Variants in DENND1A observed in about 807,000 individuals in gnomAD.
The protein encoded by DENND1A is DENN domain-containing protein 1A.
DENND1A carries 51 observed loss-of-function variants against 113.7 expected under a neutral mutation model. The observed-to-expected ratio is 0.45, with a 90% confidence interval of 0.36 to 0.57. The LOEUF (loss-of-function observed/expected upper bound fraction) is 0.57. DENND1A is among the 20% of genes least tolerant of loss of function. The pLI is 0.00. For synonymous variants in DENND1A, 565 were observed against 570.8 expected (o/e 0.99, Z 0.14); for missense variants, 1,258 against 1,395.9 (o/e 0.90, Z 1.57).
intron 9 of DENND1A, among the ~76,000 whole-genome samples, chr9:123,635,452 A>G (rs1408388516): frequency 5.3e-5 from 8 of 152,242 alleles, no homozygotes; most frequent in Non-Finnish European, 1.2e-4. Flanking sequence ...GTGTTTCCAC[A>G]ATGCATAATA....
At chr9:123,672,148 C>T (rs2063796199) in intron 6 of DENND1A, among the ~76,000 whole-genome samples, 1 of 152,200 alleles carries the variant, frequency 6.6e-6, no homozygotes, top group African/African-American at 2.4e-5. Flanking sequence ...CTCAAATCAG[C>T]CCTTTAGTAA....
intron 23 of DENND1A, among the ~76,000 whole-genome samples, chr9:123,382,942 C>T (rs538101464): frequency 1.3e-3 from 202 of 152,368 alleles, no homozygotes; most frequent in African/African-American, 4.6e-3. Flanking sequence ...CGCAGGCACC[C>T]GCAATCACCT....
At chr9:123,650,378 A>G (rs1396929004) in intron 9 of DENND1A, among the ~76,000 whole-genome samples, 1 of 152,236 alleles carries the variant, frequency 6.6e-6, no homozygotes, top group African/African-American at 2.4e-5. Context: ...TTTCATTATT[A>G]GGTGCCTTTT....
intron 5 of DENND1A, among the ~76,000 whole-genome samples, chr9:123,699,086 T>C (rs1211883917): frequency 1.6e-5 from 2 of 122,778 alleles, no homozygotes; most frequent in Non-Finnish European, 3.2e-5. Context: ...ACTTTTTTTT[T>C]AATGGAGCCA....
chr9:123,873,966 C>T (rs1309288837), intron 2 of DENND1A, among the ~76,000 whole-genome samples: 1 of 152,110 alleles, frequency 6.6e-6, no homozygotes. Context: ...TGGTCTCGAA[C>T]TCTTGACCTT....
chr9:123,478,722 G>A (rs1321364499), intron 13 of DENND1A, among the ~76,000 whole-genome samples: 4 of 152,226 alleles, frequency 2.6e-5, no homozygotes, highest in Admixed American at 2.6e-4. Flanking sequence ...GTACAACCTA[G>A]ATGGTAGGTA....
At chr9:123,851,808 A>C (rs762673517) in intron 2 of DENND1A, among the ~76,000 whole-genome samples, 15 of 152,248 alleles carry the variant, frequency 9.9e-5, no homozygotes, top group Non-Finnish European at 1.9e-4. Context: ...GAAAATACAA[A>C]TGAAAAAACA....
intron 21 of DENND1A, among the ~76,000 whole-genome samples, chr9:123,390,239 T>C (rs2042770697): frequency 6.6e-6 from 1 of 152,238 alleles, no homozygotes; most frequent in African/African-American, 2.4e-5. Context: ...GCATGAATGC[T>C]GTGGAAGTTT....
chr9:123,500,342 G>A (rs751281891), intron 13 of DENND1A, among the ~76,000 whole-genome samples: 6 of 152,164 alleles, frequency 3.9e-5, no homozygotes, highest in Non-Finnish European at 7.4e-5. Context: ...TGGCAGATAG[G>A]GTGGAATTAG....
chr9:123,468,815 G>A (rs2049163395), intron 13 of DENND1A, among the ~76,000 whole-genome samples: 1 of 152,250 alleles, frequency 6.6e-6, no homozygotes, highest in South Asian at 2.1e-4. Flanking sequence ...GCGTGAGTGT[G>A]AGGAGAAGGC....
chr9:123,700,821 G>T (rs1202282091), intron 5 of DENND1A, among the ~76,000 whole-genome samples: 1 of 152,084 alleles, frequency 6.6e-6, no homozygotes, highest in East Asian at 1.9e-4. Flanking sequence ...TGACAACATG[G>T]AATCCTTGAA....
chr9:123,660,632 G>C (rs975735793), intron 8 of DENND1A, among the ~76,000 whole-genome samples: 2 of 152,120 alleles, frequency 1.3e-5, no homozygotes, highest in East Asian at 1.9e-4. Flanking sequence ...TATAGAAAAT[G>C]TAAATGTCTA....
intron 1 of DENND1A, among the ~76,000 whole-genome samples, chr9:123,907,451 T>C (rs113478799): frequency 6.0e-5 from 9 of 150,982 alleles, no homozygotes; most frequent in Middle Eastern, 3.4e-3. Flanking sequence ...AAAACCCCAT[T>C]GTCTCAGCCC....
intron 8 of DENND1A, among the ~76,000 whole-genome samples, chr9:123,660,432 G>C (rs2063173331): frequency 6.6e-6 from 1 of 151,282 alleles, no homozygotes; most frequent in Non-Finnish European, 1.5e-5. Context: ...GACAGGCTTT[G>C]GAGGTAAGGC....
chr9:123,863,165 C>G (rs2133314149), intron 2 of DENND1A, among the ~76,000 whole-genome samples: 1 of 152,258 alleles, frequency 6.6e-6, no homozygotes, highest in African/African-American at 2.4e-5. Flanking sequence ...ACCAAGGCAC[C>G]GTGTCCAGTT....
intron 1 of DENND1A, among the ~76,000 whole-genome samples, chr9:123,880,827 A>G (rs948634082): frequency 1.3e-5 from 2 of 152,176 alleles, no homozygotes; most frequent in African/African-American, 4.8e-5. Context: ...CCACGTTTTC[A>G]TATCTCTTAC....
At chr9:123,432,104 C>T (rs754754542) in intron 19 of DENND1A, among the ~76,000 whole-genome samples, 41 of 152,332 alleles carry the variant, frequency 2.7e-4, no homozygotes, top group South Asian at 6.2e-4. Flanking sequence ...CTCTCTATAA[C>T]GAGAGGAATA....
chr9:123,657,105 T>C (rs2062990367), intron 8 of DENND1A, among the ~76,000 whole-genome samples: 1 of 152,120 alleles, frequency 6.6e-6, no homozygotes, highest in Admixed American at 6.5e-5. Flanking sequence ...GCCTGCAAGG[T>C]GCACTTCAGA....
intron 1 of DENND1A, among the ~76,000 whole-genome samples, chr9:123,913,634 G>A (rs1854477204): frequency 6.6e-6 from 1 of 152,166 alleles, no homozygotes. Flanking sequence ...GACCGGGCAT[G>A]GTGGCTCACG....
Sources: allele counts gnomAD v4.1 joint callset (sites outside exome capture counted in the v4.1 genomes callset), GRCh38; gene constraint gnomAD v4.1.1; transcripts MANE v1.5; gene names NCBI Gene and HGNC (gene_info 2026-07-23, HGNC 2026-07-21).